The following FOXP2 variants were observed in gnomAD, a reference collection of about 807,000 sequenced individuals.
The protein encoded by FOXP2 is forkhead box protein P2.
FOXP2 carries 12 observed loss-of-function variants against 115.8 expected under a neutral mutation model. That is an observed-to-expected ratio of 0.10 (90% confidence interval 0.07 to 0.17). The LOEUF (loss-of-function observed/expected upper bound fraction) is 0.17. Ranked by LOEUF, FOXP2 falls within the 10% of genes least tolerant of loss-of-function variation. The pLI is 1.00. For synonymous variants in FOXP2, 328 were observed against 297.7 expected (o/e 1.10, Z -1.05); for missense variants, 629 against 843.5 (o/e 0.75, Z 3.15).
chr7:114,507,523 TAAAC>T (rs908995315), intron 2 of FOXP2, among the ~76,000 whole-genome samples: 62 of 151,958 alleles, frequency 4.1e-4, no homozygotes, highest in African/African-American at 1.4e-3. Context: ...AACTGAGAAA[TAAAC>T]AAATTAGGAA....
chr7:114,631,395 C>T, intron 5 of FOXP2, 133 bp from the exon 6 acceptor site: 4 of 1,433,948 alleles, frequency 2.8e-6, no homozygotes, highest in Non-Finnish European at 2.8e-6. Context: ...TCACATTCTG[C>T]CCCTGAACTT....
In FOXP2 at chr7:114,199,178, G is replaced by A. The variant is rs114944072; in HGVS notation, c.-102+36090G>A. On this transcript the variant is annotated intron_variant, in intron 1 of 17. Transcript: ENST00000634411. ...ATTACAGGTGTCACCCGCTGTGCCT[G>A]GCCCTCAAATATTAATTTCACCTGA... is the stretch of plus-strand genomic sequence containing the variant. 3.1e-3 allele frequency among the ~76,000 whole-genome samples: 470 copies of A among 152,116 alleles called. 4 individuals carry two copies. Among genetic ancestry groups the A allele is most frequent in the African/African-American group, 0.011 (447 of 41,496 alleles).
At chr7:114,334,888 C>CTGTG (rs1438671810) in intron 2 of FOXP2, among the ~76,000 whole-genome samples, 4 of 139,548 alleles carry the variant, frequency 2.9e-5, no homozygotes, top group Non-Finnish European at 6.1e-5. Flanking sequence ...AAGGATATCT[C>CTGTG]TGTGTGTGTG....
At chr7:114,392,297 C>A (rs1423006742) in intron 2 of FOXP2, among the ~76,000 whole-genome samples, 1 of 152,142 alleles carries the variant, frequency 6.6e-6, no homozygotes, top group African/African-American at 2.4e-5. Context: ...GTGCTAGAAG[C>A]CACAATTGAC....
At chr7:114,184,532 C>A (rs1049913888) in intron 1 of FOXP2, among the ~76,000 whole-genome samples, 5 of 152,078 alleles carry the variant, frequency 3.3e-5, no homozygotes, top group Non-Finnish European at 7.4e-5. Context: ...GATTGTCACT[C>A]GGAAGCTGTT....
chr7:114,577,612 A>G (rs1801641184), intron 3 of FOXP2, among the ~76,000 whole-genome samples: 1 of 151,930 alleles, frequency 6.6e-6, no homozygotes, highest in Non-Finnish European at 1.5e-5. Context: ...CCATGAAGTC[A>G]TGATTTCTTT....
At chr7:114,226,731 AT>A (rs531320266) in intron 1 of FOXP2, among the ~76,000 whole-genome samples, 7 of 152,144 alleles carry the variant, frequency 4.6e-5, no homozygotes, top group Admixed American at 3.9e-4. Context: ...GGTAGTGCAA[AT>A]ATCATTATTA....
chr7:114,295,024 AAG>A (rs1171086617), intron 2 of FOXP2, among the ~76,000 whole-genome samples: 1 of 152,174 alleles, frequency 6.6e-6, no homozygotes, highest in Non-Finnish European at 1.5e-5. Flanking sequence ...ATATTAAAAA[AAG>A]AAAACGATAA....
intron 2 of FOXP2, among the ~76,000 whole-genome samples, chr7:114,341,771 A>C (rs1171714934): frequency 6.6e-6 from 1 of 151,316 alleles, no homozygotes; most frequent in Non-Finnish European, 1.5e-5. Flanking sequence ...ATTTTAAGGA[A>C]TCTTTTCCCC....
chr7:114,262,884 T>C (rs962327286), intron 1 of FOXP2, among the ~76,000 whole-genome samples: 2 of 152,172 alleles, frequency 1.3e-5, no homozygotes, highest in Non-Finnish European at 2.9e-5. Context: ...ATTTCTACTT[T>C]TCTTTTTACC....
chr7:114,223,449 T>C (rs1794671099), intron 1 of FOXP2, among the ~76,000 whole-genome samples: 1 of 148,792 alleles, frequency 6.7e-6, no homozygotes, highest in South Asian at 2.1e-4. Flanking sequence ...ATAAATCTGT[T>C]GCATATTGAT....
At chr7:114,683,480 T>C (rs150581050) in intron 16 of FOXP2, among the ~76,000 whole-genome samples, 94 of 152,304 alleles carry the variant, frequency 6.2e-4, no homozygotes, top group African/African-American at 2.1e-3. Context: ...ATCTGTAAAA[T>C]GGGAAGTCAA....
chr7:114,521,163 T>A (rs1798604657), intron 2 of FOXP2, among the ~76,000 whole-genome samples: 1 of 152,140 alleles, frequency 6.6e-6, no homozygotes, highest in African/African-American at 2.4e-5. Flanking sequence ...GTACTAAAGA[T>A]AGATGTACAT....
At chr7:114,297,199 C>T in intron 2 of FOXP2, 1 of 487,304 alleles carries the variant, frequency 2.1e-6, no homozygotes, top group South Asian at 1.9e-5. Flanking sequence ...TGTGTCCCCA[C>T]CCTTTTCTCG....
chr7:114,172,908 G>A (rs1007951243), intron 1 of FOXP2, among the ~76,000 whole-genome samples: 1 of 152,080 alleles, frequency 6.6e-6, no homozygotes, highest in African/African-American at 2.4e-5. Context: ...TTACAAAGCA[G>A]TGTATTTTAT....
chr7:114,557,872 C>G (rs867849883), intron 3 of FOXP2, among the ~76,000 whole-genome samples: 3 of 151,718 alleles, frequency 2.0e-5, no homozygotes, highest in Non-Finnish European at 4.4e-5. Context: ...TGCAGTGGCC[C>G]GATCTCAGCT....
chr7:114,296,990 A>G (rs905866972), intron 2 of FOXP2: 5 of 221,880 alleles, frequency 2.3e-5, no homozygotes, highest in Admixed American at 5.4e-5. Flanking sequence ...AATTTTGCTA[A>G]AACATTTCAT....
At chr7:114,299,818 G>A (rs77293428) in intron 2 of FOXP2, among the ~76,000 whole-genome samples, 3,503 of 151,998 alleles carry the variant, frequency 0.023, 87 homozygotes, top group African/African-American at 0.055. Flanking sequence ...AAACAGGGAT[G>A]GAAGTTTATC....
chr7:114,119,283 C>T (rs865790977), intron 1 of FOXP2, among the ~76,000 whole-genome samples: 2 of 152,058 alleles, frequency 1.3e-5, no homozygotes, highest in Admixed American at 6.6e-5. Flanking sequence ...GCTCACAAAA[C>T]GGGCAGCTGG....
Sources: allele counts gnomAD v4.1 joint callset (sites outside exome capture counted in the v4.1 genomes callset), GRCh38; gene constraint gnomAD v4.1.1; transcripts MANE v1.5; gene names NCBI Gene and HGNC (gene_info 2026-07-23, HGNC 2026-07-21).